The following UBE2A variants were observed in gnomAD, a reference collection of about 807,000 sequenced individuals.
The protein encoded by UBE2A is ubiquitin-conjugating enzyme E2 A.
For missense variants in UBE2A, 27 were observed against 125.8 expected (o/e 0.21, Z 3.76); for synonymous variants, 39 against 41.1 (o/e 0.95, Z 0.20).
chrX:119,575,047 G>T (rs1389526596), intron 2 of UBE2A, 66 bp downstream of exon 2: 7 of 1,170,510 alleles, frequency 6.0e-6, no homozygotes, highest in Non-Finnish European at 8.2e-6. Flanking sequence ...CTGCGCTCCG[G>T]GGCGGGCCCC....
At chrX:119,580,121 A>T (rs988549534) in intron 3 of UBE2A, among the ~76,000 whole-genome samples, 1 of 111,805 alleles carries the variant, frequency 8.9e-6, no homozygotes, top group Admixed American at 9.5e-5. Flanking sequence ...GTTATAATAC[A>T]TAGTATCTTC....
intron 3 of UBE2A, 183 bp downstream of exon 3, chrX:119,575,583 G>T: frequency 4.0e-6 from 2 of 498,708 alleles, no homozygotes; most frequent in African/African-American, 2.7e-5. Flanking sequence ...GACTAGAACT[G>T]CACCTTTCTT....
chrX:119,577,690 G>T (rs1344922131), intron 3 of UBE2A, among the ~76,000 whole-genome samples: 8 of 92,434 alleles, frequency 8.7e-5, no homozygotes, highest in African/African-American at 2.9e-4. Flanking sequence ...ACCCAGGCTG[G>T]AGTGCAGTGG....
chrX:119,582,493 A>G, intron 4 of UBE2A, 95 bp from the exon 5 acceptor site: 1 of 665,841 alleles, frequency 1.5e-6, no homozygotes. Flanking sequence ...TTTAAACTTC[A>G]AAAGCAAAGT....
At chrX:119,578,904 C>T (rs908853507) in intron 3 of UBE2A, among the ~76,000 whole-genome samples, 3 of 111,931 alleles carry the variant, frequency 2.7e-5, no homozygotes, top group Non-Finnish European at 5.6e-5. Flanking sequence ...CTTAAATTTT[C>T]AGTTATTTTA....
At chrX:119,579,444 T>C (rs1006539111) in intron 3 of UBE2A, among the ~76,000 whole-genome samples, 3 of 112,490 alleles carry the variant, frequency 2.7e-5, no homozygotes, top group African/African-American at 9.7e-5. Context: ...TGTGAAACTT[T>C]AGAATTATTA....
chrX:119,583,120 T>C lies in UBE2A; in HGVS notation c.331-7T>C. ...AGGAACTGACATTTTAAAAATTGTCTCTTTAGTCTCTGTTGGATGAACCCA... is the reference window on the plus strand; with the variant it reads ...AGGAACTGACATTTTAAAAATTGTCCCTTTAGTCTCTGTTGGATGAACCCA... On this transcript the variant is annotated splice_region_variant and splice_polypyrimidine_tract_variant and intron_variant, in intron 5 of 5. Coordinates refer to ENST00000371558, the MANE Select transcript of UBE2A (RefSeq NM_003336.4). 1 of 1,211,160 alleles carries C rather than the reference T, an allele frequency of 8.3e-7. No individual in the cohort carries two copies. Among genetic ancestry groups the C allele is most frequent in the Non-Finnish European group, 1.1e-6 (1 of 895,248 alleles).
chrX:119,582,949 TAAA>T (rs887191386), intron 5 of UBE2A, among the ~76,000 whole-genome samples, 175 bp from the exon 6 acceptor site: 2 of 97,625 alleles, frequency 2.0e-5, no homozygotes, highest in African/African-American at 7.4e-5. Flanking sequence ...TCTTCTCCCT[TAAA>T]AAAAAAAAAA....
intron 1 of UBE2A, 44 bp downstream of exon 1, chrX:119,574,799 C>T: frequency 1.7e-6 from 2 of 1,186,397 alleles, no homozygotes; most frequent in Non-Finnish European, 2.3e-6. Context: ...CGAGCTGGGG[C>T]ACAGGGCGGG....
chrX:119,581,178 T>C, intron 3 of UBE2A: 2 of 162,134 alleles, frequency 1.2e-5, no homozygotes, highest in Non-Finnish European at 1.2e-5. Context: ...TTGAGGTCTT[T>C]TGGTCTTCTA....
intron 3 of UBE2A, among the ~76,000 whole-genome samples, chrX:119,578,607 G>A (rs934183227): frequency 9.0e-5 from 10 of 110,860 alleles, no homozygotes; most frequent in Non-Finnish European, 1.9e-4. Flanking sequence ...TCTTCTCAGG[G>A]GTCACAAACT....
chrX:119,574,919 A>C lies in UBE2A; in HGVS notation c.63A>C (p.Pro21=). 8.3e-7 allele frequency: 1 copy of C among 1,211,845 alleles called. No individual in the cohort carries two copies. Among genetic ancestry groups the C allele is most frequent in the African/African-American group, 1.7e-5 (1 of 57,904 alleles). Reference sequence around the variant, plus strand: ...CCCGAAGGTTGCAGGAGGATCCTCCAGCCGGAGTCAGCGGGGCTCCGTCCG... The same window carrying C: ...CCCGAAGGTTGCAGGAGGATCCTCCCGCCGGAGTCAGCGGGGCTCCGTCCG... ...RDFKRLQEDP[P]AGVSGAPSEN... Residue 21 remains proline, a synonymous_variant, in exon 2 of 6, where the codon CCA becomes CCC. Transcript: ENST00000371558.
chrX:119,575,199 T>C (rs1225560743), intron 2 of UBE2A, 176 bp from the exon 3 acceptor site: 1 of 766,475 alleles, frequency 1.3e-6, no homozygotes, highest in Non-Finnish European at 1.9e-6. Context: ...CGGGGAGTGG[T>C]GGCGGTTAGG....
chrX:119,577,635 CTTT>C (rs11380086), intron 3 of UBE2A, among the ~76,000 whole-genome samples: 2 of 56,802 alleles, frequency 3.5e-5, no homozygotes, highest in Non-Finnish European at 3.0e-5. Flanking sequence ...AAAATTTTAG[CTTT>C]TTTTTTTTTT....
intron 3 of UBE2A, 196 bp downstream of exon 3, chrX:119,575,596 T>C: frequency 4.5e-6 from 2 of 442,819 alleles, no homozygotes; most frequent in Non-Finnish European, 3.6e-6. Flanking sequence ...CCTTTCTTCT[T>C]GCTTTCTTAA....
intron 4 of UBE2A, chrX:119,582,298 G>A (rs2053455398): frequency 5.2e-6 from 1 of 190,810 alleles, no homozygotes; most frequent in Non-Finnish European, 9.7e-6. Flanking sequence ...GATAGCTAGG[G>A]ACCCTGTTCA....
chrX:119,581,659 A>G, intron 4 of UBE2A, 63 bp downstream of exon 4: 4 of 902,273 alleles, frequency 4.4e-6, no homozygotes, highest in Non-Finnish European at 6.4e-6. Context: ...AGTATTCCAC[A>G]TTTCCTGTGT....
chrX:119,575,124 C>T (rs1286953413), intron 2 of UBE2A, 143 bp downstream of exon 2: 3 of 840,037 alleles, frequency 3.6e-6, no homozygotes, highest in Non-Finnish European at 5.2e-6. Context: ...TCCCCGGAGC[C>T]TGTGCCTCGA....
rs773784733 is a variant in UBE2A at position 119,583,132 on chromosome X, G to A, written c.336G>A (p.Leu112=). 2.5e-6 allele frequency: 3 copies of A among 1,211,453 alleles called. No homozygotes were observed. Among genetic ancestry groups the A allele is most frequent in the East Asian group, 5.9e-5 (2 of 33,861 alleles). ...VSSILTSIQS[L]LDEPNPNSPA... is the part of the protein sequence containing the mutation. ...TTTAAAAATTGTCTCTTTAGTCTCT[G>A]TTGGATGAACCCAATCCCAATAGTC... Residue 112 remains leucine, a synonymous_variant, in exon 6 of 6, where the codon CTG becomes CTA. Coordinates refer to ENST00000371558, the MANE Select transcript of UBE2A (RefSeq NM_003336.4).
Sources: allele counts gnomAD v4.1 joint callset (sites outside exome capture counted in the v4.1 genomes callset), GRCh38; gene constraint gnomAD v4.1.1; transcripts MANE v1.5; gene names NCBI Gene and HGNC (gene_info 2026-07-23, HGNC 2026-07-21).